Variants in LTN1 observed in about 807,000 individuals in gnomAD.
LTN1 encodes the protein E3 ubiquitin-protein ligase listerin.
A neutral mutation model predicts 201.2 loss-of-function variants in LTN1; 88 were observed. The observed-to-expected ratio is 0.44, with a 90% CI of 0.37 to 0.52. The LOEUF (loss-of-function observed/expected upper bound fraction) is 0.52. LTN1 is among the 20% of genes least tolerant of loss of function. LTN1 has a pLI of 0.00. For missense variants in LTN1, 1,752 were observed against 2,038.7 expected (o/e 0.86, Z 2.71); for synonymous variants, 645 against 713.5 (o/e 0.90, Z 1.53).
chr21:28,967,786 T>C (rs564802108), intron 9 of LTN1: 5 of 152,546 alleles, frequency 3.3e-5, no homozygotes, highest in South Asian at 2.1e-4. Context: ...GGGCTTGCGA[T>C]TGGCATCAGA....
In LTN1 at chr21:28,958,391, G is replaced by A; in HGVS notation, c.2742C>T (p.Ile914=). The A allele has an allele frequency of 6.3e-7, 1 of 1,599,250 alleles. No individual in the cohort carries two copies. The highest frequency in any genetic ancestry group is 8.5e-7 in the Non-Finnish European group (1 of 1,176,194). ...CCAAGCTCAAAAAAGGTTACCTGTTGATATCCAAAGATGAAGCCTGAACTT... is the reference window on the plus strand; with the variant it reads ...CCAAGCTCAAAAAAGGTTACCTGTTAATATCCAAAGATGAAGCCTGAACTT... ...KNQVQASSLD[I]NSLQVLLSAV... Residue 914 remains isoleucine (I), a synonymous_variant, in exon 14 of 30, where the codon ATC becomes ATT. Transcript: ENST00000361371.
intron 18 of LTN1, among the ~76,000 whole-genome samples, chr21:28,950,794 A>G (rs1568839834): frequency 6.6e-6 from 1 of 152,200 alleles, no homozygotes. Flanking sequence ...GATTACAGGC[A>G]TAAGCCTCCA....
intron 13 of LTN1, 60 bp downstream of exon 13, chr21:28,959,398 C>T: frequency 1.3e-6 from 2 of 1,553,290 alleles, no homozygotes; most frequent in East Asian, 4.5e-5. Context: ...GGCACTTACA[C>T]TCACTATGAA....
At chr21:28,959,970 G>T in intron 12 of LTN1, 2 of 259,614 alleles carry the variant, frequency 7.7e-6, no homozygotes, top group Non-Finnish European at 7.2e-6. Context: ...AACTTTATGA[G>T]CTAAAAAAAA....
chr21:28,973,758 G>A (rs2084594311), intron 6 of LTN1, among the ~76,000 whole-genome samples: 1 of 152,098 alleles, frequency 6.6e-6, no homozygotes, highest in African/African-American at 2.4e-5. Context: ...ATTTTGAAAA[G>A]AACAAAGTTG....
rs1349203135 is a variant in LTN1, at chr21:28,930,177, A to G, written c.*271T>C. 3.6e-6 allele frequency: 1 copy of G among 278,590 alleles called. No homozygotes were observed. The highest frequency in any genetic ancestry group is 6.5e-5 in the East Asian group (1 of 15,306). 17.3% of individuals were successfully genotyped at this position (278,590 alleles called of 1,614,324 possible). Reference sequence around the variant, plus strand: ...TAGGGGTTTTTCATATTTATTTTTAAATATACAAAGAAATTAAACCATTAA... The same window carrying G: ...TAGGGGTTTTTCATATTTATTTTTAGATATACAAAGAAATTAAACCATTAA... On this transcript the variant is annotated 3_prime_UTR_variant, in exon 30 of 30. Transcript: ENST00000361371.
chr21:28,980,866 C>G (rs1388940875), intron 6 of LTN1, among the ~76,000 whole-genome samples: 3 of 152,072 alleles, frequency 2.0e-5, no homozygotes, highest in Non-Finnish European at 2.9e-5. Context: ...GACTTGCACA[C>G]ACCAATTTTA....
At chr21:28,936,436 GGTTA>G in intron 26 of LTN1, 86 bp downstream of exon 26, 1 of 1,056,970 alleles carries the variant, frequency 9.5e-7, no homozygotes, top group African/African-American at 1.6e-5. Flanking sequence ...CCACCTTTGG[GGTTA>G]TTCTCCACAT....
rs752025315 is a variant in LTN1, at chr21:28,936,590, T to C, written c.4590A>G (p.Ala1530=). The C allele has an allele frequency of 6.2e-7, 1 of 1,613,940 alleles. No homozygotes were observed. Among genetic ancestry groups the C allele is most frequent in the South Asian group, 1.1e-5 (1 of 91,052 alleles). ...MPENPTYAET[A]VEVPNKDPKT... ...TAGGGTCCTTATTTGGGACCTCAAC[T>C]GCTGTCTCTGCATAGGTTGGATTTT... Residue 1530 remains alanine, a synonymous_variant, in exon 26 of 30, where the codon GCA becomes GCG. Transcript: ENST00000361371.
chr21:28,959,098 T>C (rs1461745653), intron 13 of LTN1, among the ~76,000 whole-genome samples: 1 of 152,176 alleles, frequency 6.6e-6, no homozygotes, highest in Non-Finnish European at 1.5e-5. Context: ...ACACCAAAGA[T>C]TGAATGTTTT....
In LTN1 at chr21:28,929,984, T is replaced by A. The variant is rs2084198319; in HGVS notation, c.*464A>T. The A allele has an allele frequency of 6.6e-6, 1 of 152,382 alleles. No individual in the cohort carries two copies. Among genetic ancestry groups the A allele is most frequent in the African/African-American group, 2.4e-5 (1 of 41,450 alleles). 9.4% of individuals were successfully genotyped at this position (152,382 alleles called of 1,614,324 possible). On this transcript the variant is annotated 3_prime_UTR_variant, in exon 30 of 30. Coordinates refer to ENST00000361371, the MANE Select transcript of LTN1 (RefSeq NM_015565.3). ...TAATCTACAAATATCAGAATACTAA[T>A]TTATTGTCATAACTAATAAATAAGG...
chr21:28,930,431 T>G lies in LTN1; in HGVS notation c.*17A>C. 6.2e-7 allele frequency: 1 copy of G among 1,600,106 alleles called. No homozygotes were observed. On this transcript the variant is annotated 3_prime_UTR_variant, in exon 30 of 30. Coordinates refer to ENST00000361371, the MANE Select transcript of LTN1 (RefSeq NM_015565.3). ...TTGTTTGATGTACTTCAGGGATCCCTTCCAGTGAAAAAAATCTCAGAAAAA... is the reference window on the plus strand; with the variant it reads ...TTGTTTGATGTACTTCAGGGATCCCGTCCAGTGAAAAAAATCTCAGAAAAA...
At position 28,984,597 on chromosome 21, in the gene LTN1, T is replaced by C. The variant is rs905544193; in HGVS notation, c.576+95A>G. On this transcript the variant is annotated intron_variant, in intron 4 of 29. Transcript: ENST00000361371. ...AGTTGGAAATACTCTACTTACTCAT[T>C]CCCCTACAATCCCAAGTAAAAGAGC... The C allele has an allele frequency of 6.2e-6, 5 of 805,094 alleles. No homozygotes were observed. The Admixed American group carries it at 1.3e-4, about 22-fold the overall frequency. 49.9% of individuals were successfully genotyped at this position (805,094 alleles called of 1,614,324 possible).
At chr21:28,957,556 A>G (rs926251176) in intron 14 of LTN1, 80 bp from the exon 15 acceptor site, 2 of 890,748 alleles carry the variant, frequency 2.2e-6, no homozygotes, top group Non-Finnish European at 3.1e-6. Flanking sequence ...TAAATACCCT[A>G]TAATAGCTCA....
chr21:28,943,432 T>C (rs1426987099), intron 23 of LTN1, 96 bp from the exon 24 acceptor site: 37 of 762,958 alleles, frequency 4.8e-5, no homozygotes, highest in South Asian at 5.3e-5. Context: ...TTATAATGAG[T>C]AAATGTTTTA....
intron 21 of LTN1, 98 bp downstream of exon 21, chr21:28,945,709 T>C (rs2084331665): frequency 1.8e-6 from 2 of 1,122,956 alleles, no homozygotes; most frequent in East Asian, 2.4e-5. Context: ...AAGGAACCAA[T>C]TACAATCATC....
chr21:28,989,487 G>A (rs1356031684), intron 1 of LTN1, among the ~76,000 whole-genome samples: 1 of 149,102 alleles, frequency 6.7e-6, no homozygotes, highest in Non-Finnish European at 1.5e-5. Flanking sequence ...TTTGTACTAT[G>A]CCTACTTCTG....
Position 28,967,137 on chromosome 21 carries a change from G to T in LTN1, c.1354C>A (p.Gln452Lys). The T allele has an allele frequency of 6.2e-7, 1 of 1,613,854 alleles. No individual in the cohort carries two copies. The highest frequency in any genetic ancestry group is 8.5e-7 in the Non-Finnish European group (1 of 1,179,906). The change falls in exon 10 of 30, where the codon CAA (glutamine) becomes AAA (lysine). Residue 452 changes from glutamine to lysine, a missense_variant. By Grantham distance (53) the Gln-to-Lys change is moderately conservative. Around this residue, in one of 3 missense-constraint regions of LTN1, gnomAD observed 1,211 missense variants for 1,312.8 expected, o/e 0.92. Transcript: ENST00000361371. Reference protein sequence around the residue: ...IDAVLKDPGLQHGQLFNHLAE... With the variant: ...IDAVLKDPGLKHGQLFNHLAE... ...AAATGGTTAAATAGCTGCCCATGTT[G>T]CAATCCTGGGTCTTTGAGAACTGCA...
Position 28,984,898 on chromosome 21 carries a change from C to T in LTN1, c.370G>A (p.Ala124Thr), listed in dbSNP as rs1304904260. Reference protein sequence around the residue: ...SLDHDRRVREATQQAFEKLIL... With the variant: ...SLDHDRRVRETTQQAFEKLIL... ...AGTTTTTCAAAAGCTTGTTGTGTGG[C>T]TTCTCGGACGCGACGGTCATGATCC... The change falls in exon 4 of 30, where the codon GCC (alanine) becomes ACC (threonine). Residue 124 changes from alanine to threonine, a missense_variant. By Grantham distance (58) the Ala-to-Thr change is moderately conservative. Coordinates refer to ENST00000361371, the MANE Select transcript of LTN1 (RefSeq NM_015565.3). 5.0e-6 allele frequency: 8 copies of T among 1,613,744 alleles called. No homozygotes were observed. Among genetic ancestry groups the T allele is most frequent in the African/African-American group, 4.0e-5 (3 of 74,982 alleles).
Sources: allele counts gnomAD v4.1 joint callset (sites outside exome capture counted in the v4.1 genomes callset), GRCh38; gene constraint gnomAD v4.1.1; regional missense constraint gnomAD v4.1.1; transcripts MANE v1.5; gene names NCBI Gene and HGNC (gene_info 2026-07-23, HGNC 2026-07-21).